Variants in MDGA2 observed in about 807,000 individuals in gnomAD.
MDGA2 encodes MAM domain-containing glycosylphosphatidylinositol anchor protein 2.
In MDGA2, 40 loss-of-function variants were observed where a neutral mutation model predicts 117.8. That is an observed-to-expected ratio of 0.34 (90% CI 0.26 to 0.44). MDGA2 has a LOEUF of 0.44. MDGA2 is among the 20% of genes least tolerant of loss of function. The pLI is 1.00. For synonymous variants in MDGA2, 452 were observed against 439.0 expected, an observed-to-expected ratio of 1.03 and a Z score of -0.37; for missense variants, 1,123 against 1,250.6, an observed-to-expected ratio of 0.90 and a Z score of 1.54.
At chr14:47,537,574 TAAAAAAAAAAAAA>T (rs58060138) in intron 1 of MDGA2, among the ~76,000 whole-genome samples, 419 of 36,620 alleles carry the variant, frequency 0.011, 5 homozygotes, top group African/African-American at 0.029. Flanking sequence ...TTCTCTCTGT[TAAAAAAAAAAAAA>T]AAAAAAAAAA....
intron 2 of MDGA2, among the ~76,000 whole-genome samples, chr14:47,233,526 A>C (rs1348774124): frequency 6.6e-6 from 1 of 152,078 alleles, no homozygotes; most frequent in Non-Finnish European, 1.5e-5. Flanking sequence ...TCATTTTCTT[A>C]AGGATATCTC....
At position 46,845,808 on chromosome 14, in the gene MDGA2, T is replaced by C. The variant is rs1880815244; in HGVS notation, c.2947A>G (p.Ile983Val). 4 of 1,613,380 alleles carry C rather than the reference T, an allele frequency of 2.5e-6. No individual in the cohort carries two copies. Among genetic ancestry groups the C allele is most frequent in the East Asian group, 2.2e-5 (1 of 44,732 alleles). ...TGTTTTGCACATTCTCCTTCTGCAATTGATACATCATCAATAGCAATGTCA... is the reference window on the plus strand; with the variant it reads ...TGTTTTGCACATTCTCCTTCTGCAACTGATACATCATCAATAGCAATGTCA... ...EGDIAIDDVSIAEGECAKQDL... is the reference protein window; with the variant it reads ...EGDIAIDDVSVAEGECAKQDL... The change falls in exon 16 of 17, where the codon ATT becomes GTT. Residue 983 changes from isoleucine (I) to valine (V), a missense_variant. Transcript: ENST00000399232.
At chr14:47,300,900 C>G (rs1406653050) in intron 2 of MDGA2, among the ~76,000 whole-genome samples, 1 of 152,050 alleles carries the variant, frequency 6.6e-6, no homozygotes, top group Non-Finnish European at 1.5e-5. Context: ...ATTCTGAAGG[C>G]CTGAGTGCAT....
At chr14:47,406,727 C>A in intron 1 of MDGA2, among the ~76,000 whole-genome samples, 1 of 151,902 alleles carries the variant, frequency 6.6e-6, no homozygotes, top group East Asian at 1.9e-4. Context: ...CTATGTTGAA[C>A]ATAATATTTA....
chr14:47,674,235 T>C (rs7160360), intron 1 of MDGA2, among the ~76,000 whole-genome samples: 7,866 of 152,146 alleles, frequency 0.052, 678 homozygotes, highest in African/African-American at 0.18. Context: ...GGAGCTCGGA[T>C]TCCCCGCGGG....
At chr14:46,900,356 G>A (rs1376374779) in intron 10 of MDGA2, among the ~76,000 whole-genome samples, 2 of 152,078 alleles carry the variant, frequency 1.3e-5, no homozygotes, top group African/African-American at 4.8e-5. Flanking sequence ...TGCACTGCTG[G>A]GCATTTATCC....
intron 1 of MDGA2, among the ~76,000 whole-genome samples, chr14:47,533,890 A>C (rs1895152953): frequency 1.3e-5 from 2 of 152,234 alleles, no homozygotes; most frequent in South Asian, 4.1e-4. Context: ...TGATTAGTAA[A>C]GACAGTAAGC....
At position 46,840,172 on chromosome 14, in the gene MDGA2, T is replaced by G. The variant is rs1880549596; in HGVS notation, c.*1759A>C. 6.6e-6 allele frequency: 1 copy of G among 152,490 alleles called. No homozygotes were observed. Among genetic ancestry groups the G allele is most frequent in the Non-Finnish European group, 1.5e-5 (1 of 67,948 alleles). 9.4% of individuals were successfully genotyped at this position (152,490 alleles called of 1,614,324 possible). ...TGAATTACTGAATTTGCACAAACAT[T>G]TCTACAGAATTGTTTTAAAAAACAA... On this transcript the variant is annotated 3_prime_UTR_variant, in exon 17 of 17. Transcript: ENST00000399232.
chr14:47,262,197 T>C (rs770324732), intron 2 of MDGA2, among the ~76,000 whole-genome samples: 2 of 152,148 alleles, frequency 1.3e-5, no homozygotes, highest in Non-Finnish European at 2.9e-5. Flanking sequence ...GATTCACCTA[T>C]ATAGCCCTAT....
intron 14 of MDGA2, among the ~76,000 whole-genome samples, chr14:46,867,794 A>T (rs1397466176): frequency 1.3e-5 from 2 of 152,146 alleles, no homozygotes; most frequent in African/African-American, 2.4e-5. Flanking sequence ...ACTCAAGTGT[A>T]CTTTTATAAT....
chr14:46,935,113 G>A (rs1266192688), intron 9 of MDGA2, among the ~76,000 whole-genome samples: 1 of 151,996 alleles, frequency 6.6e-6, no homozygotes, highest in Non-Finnish European at 1.5e-5. Context: ...TATGTGAATT[G>A]GTGGCATGGA....
At chr14:47,479,683 G>A (rs991902016) in intron 1 of MDGA2, among the ~76,000 whole-genome samples, 1 of 151,744 alleles carries the variant, frequency 6.6e-6, no homozygotes, top group Non-Finnish European at 1.5e-5. Context: ...CACATTTATT[G>A]ATTACTTTTG....
At chr14:47,135,104 CTT>C (rs1410790532) in intron 4 of MDGA2, among the ~76,000 whole-genome samples, 5 of 151,990 alleles carry the variant, frequency 3.3e-5, no homozygotes, top group African/African-American at 4.8e-5. Context: ...ATGATGATCT[CTT>C]GTTAAAATTT....
intron 10 of MDGA2, among the ~76,000 whole-genome samples, chr14:46,892,658 CA>C (rs779250155): frequency 2.0e-5 from 3 of 151,360 alleles, no homozygotes; most frequent in African/African-American, 4.8e-5. Context: ...AACTCGACAG[CA>C]AAAAAACAAA....
At chr14:47,401,251 G>A (rs1892142054) in intron 1 of MDGA2, among the ~76,000 whole-genome samples, 1 of 151,938 alleles carries the variant, frequency 6.6e-6, no homozygotes, top group African/African-American at 2.4e-5. Flanking sequence ...AGGCATTATA[G>A]GGATAAAAAA....
chr14:47,156,400 A>G (rs1000759424), intron 3 of MDGA2, among the ~76,000 whole-genome samples: 5 of 152,190 alleles, frequency 3.3e-5, no homozygotes, highest in South Asian at 2.1e-4. Context: ...AGTTCAGTTC[A>G]CTAAATTATG....
intron 1 of MDGA2, among the ~76,000 whole-genome samples, chr14:47,427,052 A>G (rs1012843141): frequency 4.6e-5 from 7 of 152,154 alleles, no homozygotes; most frequent in African/African-American, 1.7e-4. Flanking sequence ...AACTTATGTT[A>G]CTAGTTACTA....
At position 47,674,672 on chromosome 14, in the gene MDGA2, A is replaced by G; in HGVS notation, c.125T>C (p.Val42Ala). ...PGHLGLARAR[V>A]ERAWLAAGLL... is the part of the protein sequence containing the mutation. ...GCCGGCGGCCAGCCAGGCGCGCTCC[A>G]CTCGCGCCCGGGCCAAGCCGAGGTG... The change falls in exon 1 of 17, where the codon GTG becomes GCG. Residue 42 changes from valine (V) to alanine (A), a missense_variant. By Grantham distance (64) the Val-to-Ala change is moderately conservative. Coordinates refer to ENST00000399232, the MANE Select transcript of MDGA2 (RefSeq NM_001113498.3). 1 of 1,336,850 alleles carries G rather than the reference A, an allele frequency of 7.5e-7. No homozygotes were observed. The highest frequency in any genetic ancestry group is 1.0e-6 in the Non-Finnish European group (1 of 952,902). The allele number at this position is 1,336,850 out of a possible 1,614,324, so 82.8% of individuals were successfully genotyped here. A position where few individuals can be genotyped will look rare whatever the true frequency, so the allele number is the denominator to read the frequency against.
At chr14:46,888,473 T>C (rs1227451329) in intron 10 of MDGA2, among the ~76,000 whole-genome samples, 8 of 151,964 alleles carry the variant, frequency 5.3e-5, no homozygotes. Flanking sequence ...ATTCAGATGA[T>C]TTAGAGGTTA....
Sources: gnomAD v4.1 joint callset for allele counts (sites outside exome capture counted in the v4.1 genomes callset) on GRCh38, gnomAD v4.1.1 for gene constraint, MANE v1.5 for transcripts, NCBI Gene and HGNC (gene_info 2026-07-23, HGNC 2026-07-21) for gene names.